The following FBXO30 variants were observed in gnomAD, a reference collection of about 807,000 sequenced individuals.
FBXO30 encodes F-box protein 30, also known as F-box only protein 30.
FBXO30 carries 21 observed loss-of-function variants against 58.1 expected under a neutral mutation model. The ratio of observed to expected loss-of-function variants is 0.36; its 90% CI spans 0.26 to 0.52. The LOEUF (loss-of-function observed/expected upper bound fraction) is 0.52. Ranked by LOEUF, FBXO30 falls within the 20% of genes least tolerant of loss-of-function variation. The pLI, the probability that FBXO30 is intolerant of heterozygous loss-of-function variation, is 0.93. For synonymous variants in FBXO30, 309 were observed against 312.4 expected, an observed-to-expected ratio of 0.99 and a Z score of 0.11; for missense variants, 744 against 897.3, an observed-to-expected ratio of 0.83 and a Z score of 2.18.
chr6:145,798,380 AAAC>A lies in FBXO30; in HGVS notation c.*1723_*1725del, dbSNP rs1777907198. On this transcript the variant is annotated 3_prime_UTR_variant, in exon 3 of 3. Coordinates refer to ENST00000237281, the MANE Select transcript of FBXO30 (RefSeq NM_032145.5). ...GTGGAAATAAGAAGTCTAAATTTAA[AAAC>A]AATGAATTTTAAAAAGCATAACTAT... 1 of 152,342 alleles carries A rather than the reference AAAC, an allele frequency of 6.6e-6. No homozygotes were observed. The highest frequency in any genetic ancestry group is 2.4e-5 in the African/African-American group (1 of 41,436). 9.4% of individuals were successfully genotyped at this position (152,342 alleles called of 1,614,324 possible). A position where few individuals can be genotyped will look rare whatever the true frequency, so the allele number is the denominator to read the frequency against.
chr6:145,806,923 T>C (rs1778190513), intron 1 of FBXO30, among the ~76,000 whole-genome samples: 1 of 152,232 alleles, frequency 6.6e-6, no homozygotes, highest in African/African-American at 2.4e-5. Flanking sequence ...TCCTTCTAAA[T>C]GAATTCATTT....
At position 145,794,573 on chromosome 6, in the gene FBXO30, T is replaced by A. The variant is rs1353961851; in HGVS notation, c.*5533A>T. Reference sequence around the variant, plus strand: ...GGACCAATACTGTTCTCTCCATATTTTATTTAAAATACAGATTTTTTAAAA... The same window carrying A: ...GGACCAATACTGTTCTCTCCATATTATATTTAAAATACAGATTTTTTAAAA... On this transcript the variant is annotated 3_prime_UTR_variant, in exon 3 of 3. Coordinates refer to ENST00000237281, the MANE Select transcript of FBXO30 (RefSeq NM_032145.5). 1.3e-5 allele frequency: 2 copies of A among 151,930 alleles called. No individual in the cohort carries two copies. Among genetic ancestry groups the A allele is most frequent in the Non-Finnish European group, 2.9e-5 (2 of 67,830 alleles). 9.4% of individuals were successfully genotyped at this position (151,930 alleles called of 1,614,324 possible).
At position 145,806,164 on chromosome 6, in the gene FBXO30, T is replaced by C; in HGVS notation, c.242A>G (p.Glu81Gly). Residue 81 changes from glutamate to glycine, a missense_variant, in exon 2 of 3, where the codon GAA becomes GGA. By Grantham distance (98) the Glu-to-Gly change is moderately conservative. Around this residue, in one of 3 missense-constraint regions of FBXO30, gnomAD observed 135 missense variants for 201.6 expected, o/e 0.67. Transcript: ENST00000237281. ...GCACACCACACTTGCAGGACACATT[T>C]CTAGATGTTCAGCAACTTTATTTCG... ...MARNKVAEHL[E>G]MCPASVVCCT... is the part of the protein sequence containing the mutation. The C allele has an allele frequency of 6.2e-7, 1 of 1,614,138 alleles. No homozygotes were observed. The highest frequency in any genetic ancestry group is 8.5e-7 in the Non-Finnish European group (1 of 1,179,992).
At position 145,806,316 on chromosome 6, in the gene FBXO30, C is replaced by G; in HGVS notation, c.90G>C (p.Leu30Phe). The G allele has an allele frequency of 6.2e-7, 1 of 1,613,984 alleles. No homozygotes were observed. Among genetic ancestry groups the G allele is most frequent in the Non-Finnish European group, 8.5e-7 (1 of 1,179,972 alleles). The change falls in exon 2 of 3, where the codon TTG (leucine) becomes TTC (phenylalanine). Residue 30 changes from leucine (L) to phenylalanine (F), a missense_variant. Leu to Phe is a conservative substitution (Grantham distance 22, BLOSUM62 0). This residue lies in a region of FBXO30 where 135 missense variants were observed against 201.6 expected (regional missense o/e 0.67). Coordinates refer to ENST00000237281, the MANE Select transcript of FBXO30 (RefSeq NM_032145.5). ...TRPEPGISCD[L>F]IGCPLVCGAV... ...CACCACAAACCAATGGACAACCAATCAAATCACAGGAAATCCCTGGCTCTG... is the reference window on the plus strand; with the variant it reads ...CACCACAAACCAATGGACAACCAATGAAATCACAGGAAATCCCTGGCTCTG...
intron 1 of FBXO30, among the ~76,000 whole-genome samples, chr6:145,807,067 G>A (rs1345679072): frequency 6.6e-6 from 1 of 152,104 alleles, no homozygotes; most frequent in Non-Finnish European, 1.5e-5. Context: ...TGTGGCTGTG[G>A]GCAAATAACT....
intron 1 of FBXO30, among the ~76,000 whole-genome samples, chr6:145,806,791 C>G (rs1021023773): frequency 6.6e-6 from 1 of 152,122 alleles, no homozygotes; most frequent in East Asian, 1.9e-4. Flanking sequence ...TTCACTTTTA[C>G]CTTTCTAATT....
intron 2 of FBXO30, among the ~76,000 whole-genome samples, chr6:145,801,595 A>G (rs1778001287): frequency 6.6e-6 from 1 of 152,092 alleles, no homozygotes; most frequent in South Asian, 2.1e-4. Flanking sequence ...AAGCATGGTA[A>G]TGTCTTCTCA....
At position 145,799,551 on chromosome 6, in the gene FBXO30, T is replaced by A. The variant is rs1363973074; in HGVS notation, c.*555A>T. ...GTGGATTATTTTTAAAACGATAAAC[T>A]GCATTACCAAACTTTATGATTTTAC... On this transcript the variant is annotated 3_prime_UTR_variant, in exon 3 of 3. Coordinates refer to ENST00000237281, the MANE Select transcript of FBXO30 (RefSeq NM_032145.5). The A allele has an allele frequency of 6.6e-6, 1 of 152,608 alleles. No individual in the cohort carries two copies. The highest frequency in any genetic ancestry group is 1.5e-5 in the Non-Finnish European group (1 of 68,054). 9.5% of individuals were successfully genotyped at this position (152,608 alleles called of 1,614,324 possible). A position where few individuals can be genotyped will look rare whatever the true frequency, so the allele number is the denominator to read the frequency against.
chr6:145,813,268 T>C (rs1266812347), intron 1 of FBXO30, among the ~76,000 whole-genome samples: 1 of 151,938 alleles, frequency 6.6e-6, no homozygotes, highest in Non-Finnish European at 1.5e-5. Context: ...TTGCCTATAT[T>C]CGAAACTTCA....
At chr6:145,806,466 G>T in intron 1 of FBXO30, 45 bp from the exon 2 acceptor site, 1 of 1,473,172 alleles carries the variant, frequency 6.8e-7, no homozygotes, top group Non-Finnish European at 9.3e-7. Flanking sequence ...CCAAAAAATG[G>T]TTGATTTTTC....
chr6:145,809,909 A>T lies in FBXO30; in HGVS notation c.-16-3488T>A, dbSNP rs367984112. On this transcript the variant is annotated intron_variant, in intron 1 of 2. Transcript: ENST00000237281. ...GACAATAACAGGTATGTTTACTTAT[A>T]AAAGTTTAAAAAACTTAGGCAGCAC... 1.7e-4 allele frequency: 26 copies of T among 152,318 alleles called. No homozygotes were observed. The South Asian group carries it at 4.4e-3, about 26-fold the overall frequency. The allele number at this position is 152,318 out of a possible 1,614,324, so 9.4% of individuals were successfully genotyped here.
rs146391686 is a variant in FBXO30, at chr6:145,798,161, T to C, written c.*1945A>G. 9.7e-4 allele frequency: 147 copies of C among 152,230 alleles called. 1 individual carries two copies. The East Asian group carries it at 0.021, about 22-fold the overall frequency. 9.4% of individuals were successfully genotyped at this position (152,230 alleles called of 1,614,324 possible). A position where few individuals can be genotyped will look rare whatever the true frequency, so the allele number is the denominator to read the frequency against. On this transcript the variant is annotated 3_prime_UTR_variant, in exon 3 of 3. Coordinates refer to ENST00000237281, the MANE Select transcript of FBXO30 (RefSeq NM_032145.5). ...TTGTCAAACAAGTATTAAAATTTTATTTAAATGAACGTTTTTAAGTTATTG... is the reference window on the plus strand; with the variant it reads ...TTGTCAAACAAGTATTAAAATTTTACTTAAATGAACGTTTTTAAGTTATTG...
Position 145,814,593 on chromosome 6 carries a change from C to G in FBXO30, c.-17+10G>C, listed in dbSNP as rs935551319. 5.9e-5 allele frequency: 9 copies of G among 151,918 alleles called. No homozygotes were observed. Among genetic ancestry groups the G allele is most frequent in the Admixed American group, 5.3e-4 (8 of 15,236 alleles). 9.4% of individuals were successfully genotyped at this position (151,918 alleles called of 1,614,324 possible). A position where few individuals can be genotyped will look rare whatever the true frequency, so the allele number is the denominator to read the frequency against. The stretch of plus-strand genomic sequence containing the variant: ...GCGCCGGCCTCCCCTGCGGGCCTCC[C>G]GTCACTCACCGGCCGGCGCGGCCGA... On this transcript the variant is annotated intron_variant, in intron 1 of 2. Coordinates refer to ENST00000237281, the MANE Select transcript of FBXO30 (RefSeq NM_032145.5).
intron 2 of FBXO30, among the ~76,000 whole-genome samples, chr6:145,802,010 CAAAT>C (rs746018193): frequency 8.3e-4 from 127 of 152,202 alleles, no homozygotes; most frequent in Non-Finnish European, 1.2e-3. Context: ...AAGTATGCAT[CAAAT>C]ATTTACTCAG....
At chr6:145,811,736 A>G (rs562825314) in intron 1 of FBXO30, among the ~76,000 whole-genome samples, 2 of 152,374 alleles carry the variant, frequency 1.3e-5, no homozygotes, top group East Asian at 3.8e-4. Context: ...GATAAAATAT[A>G]CTTAAAACAG....
Position 145,796,962 on chromosome 6 carries a change from T to A in FBXO30, c.*3144A>T, listed in dbSNP as rs1041267910. 1 of 151,940 alleles carries A rather than the reference T, an allele frequency of 6.6e-6. No individual in the cohort carries two copies. The highest frequency in any genetic ancestry group is 1.5e-5 in the Non-Finnish European group (1 of 67,886). The allele number at this position is 151,940 out of a possible 1,614,324, so 9.4% of individuals were successfully genotyped here. A position where few individuals can be genotyped will look rare whatever the true frequency, so the allele number is the denominator to read the frequency against. Reference sequence around the variant, plus strand: ...AGATCAAAAAAGATTCTATACTACTTGTAAACAAGAGATCCAATCTTTCAT... The same window carrying A: ...AGATCAAAAAAGATTCTATACTACTAGTAAACAAGAGATCCAATCTTTCAT... On this transcript the variant is annotated 3_prime_UTR_variant, in exon 3 of 3. Transcript: ENST00000237281.
chr6:145,799,159 A>C lies in FBXO30; in HGVS notation c.*947T>G, dbSNP rs1777924868. On this transcript the variant is annotated 3_prime_UTR_variant, in exon 3 of 3. Transcript: ENST00000237281. ...TTTCTACATGATTGTCATTTTACAAAGATAACAAATTTCACGTTTTTAAAT... is the reference window on the plus strand; with the variant it reads ...TTTCTACATGATTGTCATTTTACAACGATAACAAATTTCACGTTTTTAAAT... The C allele has an allele frequency of 6.6e-6, 1 of 152,204 alleles. No homozygotes were observed. 9.4% of individuals were successfully genotyped at this position (152,204 alleles called of 1,614,324 possible).
intron 1 of FBXO30, among the ~76,000 whole-genome samples, chr6:145,809,555 C>A (rs1467380969): frequency 6.6e-6 from 1 of 152,074 alleles, no homozygotes; most frequent in Non-Finnish European, 1.5e-5. Flanking sequence ...GAGTTAAAAG[C>A]AAAAACAGCA....
At chr6:145,813,500 A>G (rs1483227930) in intron 1 of FBXO30, among the ~76,000 whole-genome samples, 1 of 152,218 alleles carries the variant, frequency 6.6e-6, no homozygotes, top group East Asian at 1.9e-4. Context: ...AACCCTCTGA[A>G]AAATCCTAAA....
Sources: gnomAD v4.1 joint callset for allele counts (sites outside exome capture counted in the v4.1 genomes callset) on GRCh38, gnomAD v4.1.1 for gene constraint, gnomAD v4.1.1 regional missense constraint, MANE v1.5 for transcripts, NCBI Gene and HGNC (gene_info 2026-07-23, HGNC 2026-07-21) for gene names.